Variants in ARGLU1 observed in about 807,000 individuals in gnomAD.
The protein encoded by ARGLU1 is arginine and glutamate-rich protein 1.
Under a neutral mutation model 37.6 loss-of-function variants are expected in ARGLU1, and 9 were observed. The ratio of observed to expected loss-of-function variants is 0.24; its 90% confidence interval spans 0.14 to 0.42. ARGLU1 has a LOEUF of 0.42. Ranked by LOEUF, ARGLU1 falls within the 10% of genes least tolerant of loss-of-function variation. ARGLU1 has a pLI of 1.00. For missense variants in ARGLU1, 211 were observed against 359.2 expected (o/e 0.59, Z 3.34); for synonymous variants, 166 against 138.5 (o/e 1.20, Z -1.39).
chr13:106,557,734 G>C lies in ARGLU1; in HGVS notation c.574-603C>G. 7.4e-7 allele frequency: 1 copy of C among 1,347,178 alleles called. No homozygotes were observed. The highest frequency in any genetic ancestry group is 9.6e-7 in the Non-Finnish European group (1 of 1,039,294). 83.5% of individuals were successfully genotyped at this position (1,347,178 alleles called of 1,614,324 possible). The stretch of plus-strand genomic sequence containing the variant: ...GGAATGCAGATGTTTATGGTAAGAA[G>C]GAACAAAAAATGTAATTCATCATTC... On this transcript the variant is annotated intron_variant, in intron 2 of 3. Coordinates refer to ENST00000400198, the MANE Select transcript of ARGLU1 (RefSeq NM_018011.4). The surrounding 1 kb of genome is among the most constrained non-coding windows in gnomAD (Gnocchi z 5.0).
At chr13:106,563,585 C>A (rs1031439850) in intron 1 of ARGLU1, among the ~76,000 whole-genome samples, 1 of 152,186 alleles carries the variant, frequency 6.6e-6, no homozygotes, top group Non-Finnish European at 1.5e-5. Flanking sequence ...AGAAGGATTA[C>A]TTGAGGCCAG....
intron 2 of ARGLU1, 39 bp downstream of exon 2, chr13:106,559,393 C>T: frequency 6.2e-7 from 1 of 1,610,888 alleles, no homozygotes; most frequent in Non-Finnish European, 8.5e-7. Flanking sequence ...GAAAGTTTTG[C>T]CATGGACTGT....
At chr13:106,561,481 CTGAAATTAGTAA>C (rs1407535670) in intron 1 of ARGLU1, among the ~76,000 whole-genome samples, 4 of 151,330 alleles carry the variant, frequency 2.6e-5, no homozygotes, top group African/African-American at 9.7e-5. Context: ...GTTGGTTCTT[CTGAAATTAGTAA>C]ATGTAGAGAA....
chr13:106,566,046 T>G (rs1319858255), intron 1 of ARGLU1, among the ~76,000 whole-genome samples: 1 of 152,258 alleles, frequency 6.6e-6, no homozygotes, highest in African/African-American at 2.4e-5. Flanking sequence ...AGGTAACTTT[T>G]CATACATCCA....
intron 3 of ARGLU1, among the ~76,000 whole-genome samples, chr13:106,544,422 TAA>T (rs1173213966): frequency 6.6e-6 from 1 of 152,168 alleles, no homozygotes; most frequent in African/African-American, 2.4e-5. Flanking sequence ...TTAAGAAAAT[TAA>T]AAGAGAACCC....
At chr13:106,558,986 C>T (rs1033871941) in intron 2 of ARGLU1, 3 of 985,378 alleles carry the variant, frequency 3.0e-6, no homozygotes, top group Non-Finnish European at 3.6e-6. Context: ...TGCTATCACT[C>T]AATGTTAGGC....
rs1189061314 is a variant in ARGLU1, at chr13:106,567,516, C to G, written c.347+57G>C. 5 of 1,298,282 alleles carry G rather than the reference C, an allele frequency of 3.9e-6. No homozygotes were observed. The highest frequency in any genetic ancestry group is 5.6e-6 in the Non-Finnish European group (5 of 900,480). 80.4% of individuals were successfully genotyped at this position (1,298,282 alleles called of 1,614,324 possible). ...GCACCGTCCCGCCCCGGCCCCACGCCCTCGCCCCGCGCCCTGCTCTCCGCA... is the reference window on the plus strand; with the variant it reads ...GCACCGTCCCGCCCCGGCCCCACGCGCTCGCCCCGCGCCCTGCTCTCCGCA... On this transcript the variant is annotated intron_variant, in intron 1 of 3. Transcript: ENST00000400198. The surrounding 1 kb of genome is among the most constrained non-coding windows in gnomAD (Gnocchi z 4.3).
intron 2 of ARGLU1, chr13:106,558,692 T>C: frequency 1.0e-6 from 1 of 985,460 alleles, no homozygotes; most frequent in Non-Finnish European, 1.2e-6. Flanking sequence ...CTCCAGCTGC[T>C]GATAAAACAA....
chr13:106,567,670 T>C lies in ARGLU1; in HGVS notation c.250A>G (p.Ile84Val), dbSNP rs1012232567. 2 of 1,612,502 alleles carry C rather than the reference T, an allele frequency of 1.2e-6. No homozygotes were observed. Among genetic ancestry groups the C allele is most frequent in the Admixed American group, 1.7e-5 (1 of 59,912 alleles). ...CGCTTGCTCACCGTGCGCCCGAAGA[T>C]GTCGATGCGGTCGGGCGGGGACGAG... ...RASSPPDRID[I>V]FGRTVSKRSS... Residue 84 changes from isoleucine to valine, a missense_variant, in exon 1 of 4, where the codon ATC (isoleucine) becomes GTC (valine). Ile to Val is a conservative substitution (Grantham distance 29). Transcript: ENST00000400198. This position sits in a 1 kb window ranked among gnomAD's most constrained non-coding sequence, Gnocchi z 4.3.
chr13:106,567,943 C>T lies in ARGLU1; in HGVS notation c.-24G>A. ...ATCCTTCCGGGAGACGCTCTAACCG[C>T]TCGCCTCAGGCCCCTCACGCGGCCA... On this transcript the variant is annotated 5_prime_UTR_variant, in exon 1 of 4. Transcript: ENST00000400198. The surrounding 1 kb of genome is among the most constrained non-coding windows in gnomAD (Gnocchi z 4.3). The T allele has an allele frequency of 6.3e-7, 1 of 1,595,482 alleles. No individual in the cohort carries two copies. Among genetic ancestry groups the T allele is most frequent in the Non-Finnish European group, 8.5e-7 (1 of 1,176,822 alleles).
intron 1 of ARGLU1, among the ~76,000 whole-genome samples, chr13:106,566,060 G>A (rs79446546): frequency 0.019 from 2,885 of 152,256 alleles, 71 homozygotes; most frequent in African/African-American, 0.054. Context: ...ACATCCATCT[G>A]TTGATAGCTA....
chr13:106,558,112 G>C, intron 2 of ARGLU1: 1 of 984,994 alleles, frequency 1.0e-6, no homozygotes, highest in Non-Finnish European at 1.2e-6. Flanking sequence ...TCAGAGGGTT[G>C]TGTCCGTGTA....
chr13:106,558,675 A>C, intron 2 of ARGLU1: 2 of 985,480 alleles, frequency 2.0e-6, no homozygotes, highest in Non-Finnish European at 2.4e-6. Context: ...GACATTTTCA[A>C]CTTCTGCTCC....
In ARGLU1 at chr13:106,550,645, T is replaced by G. The variant is rs1303498110; in HGVS notation, c.657+6403A>C. Among the ~76,000 whole-genome samples, 9 of 152,192 alleles carry G rather than the reference T, an allele frequency of 5.9e-5. No homozygotes were observed. In the East Asian group the frequency reaches 1.5e-3, roughly 26 times the overall value. On this transcript the variant is annotated intron_variant, in intron 3 of 3. Transcript: ENST00000400198. ...GTAACAAACTGCAACTGGATGAAAT[T>G]TATTATGGAGTCAAGAAGTCCAAAA...
chr13:106,567,459 G>A lies in ARGLU1; in HGVS notation c.347+114C>T, dbSNP rs1881000942. 1.4e-5 allele frequency: 10 copies of A among 738,000 alleles called. No individual in the cohort carries two copies. Among genetic ancestry groups the A allele is most frequent in the South Asian group, 3.9e-5 (2 of 50,896 alleles). 45.7% of individuals were successfully genotyped at this position (738,000 alleles called of 1,614,324 possible). ...GACCCGTTCCCGCGCCCGGTCCCCA[G>A]CCCCGGACCGTCCCCGCCATTCTCC... On this transcript the variant is annotated intron_variant, in intron 1 of 3. Transcript: ENST00000400198. This position sits in a 1 kb window ranked among gnomAD's most constrained non-coding sequence, Gnocchi z 4.3.
At chr13:106,555,638 A>C (rs940258660) in intron 3 of ARGLU1, among the ~76,000 whole-genome samples, 1 of 152,200 alleles carries the variant, frequency 6.6e-6, no homozygotes, top group Non-Finnish European at 1.5e-5. Flanking sequence ...ACCATTTGAG[A>C]AGTATTAGGT....
At position 106,543,896 on chromosome 13, in the gene ARGLU1, A is replaced by C. The variant is rs553428007; in HGVS notation, c.*100T>G. The C allele has an allele frequency of 8.1e-7, 1 of 1,233,706 alleles. No individual in the cohort carries two copies. Among genetic ancestry groups the C allele is most frequent in the African/African-American group, 1.6e-5 (1 of 63,170 alleles). The allele number at this position is 1,233,706 out of a possible 1,614,324, so 76.4% of individuals were successfully genotyped here. On this transcript the variant is annotated 3_prime_UTR_variant, in exon 4 of 4. Coordinates refer to ENST00000400198, the MANE Select transcript of ARGLU1 (RefSeq NM_018011.4). ...AACAAGCTAACTTTCCAGATTTTAC[A>C]AATTAAAAAAACAAAAACAAAAACA...
chr13:106,556,174 T>C (rs557479984), intron 3 of ARGLU1, among the ~76,000 whole-genome samples: 20 of 152,378 alleles, frequency 1.3e-4, no homozygotes, highest in African/African-American at 4.3e-4. Flanking sequence ...TATTGCTTTT[T>C]CTGCCTTAGC....
At chr13:106,546,786 A>G (rs147754675) in intron 3 of ARGLU1, among the ~76,000 whole-genome samples, 198 of 152,332 alleles carry the variant, frequency 1.3e-3, no homozygotes, top group African/African-American at 4.6e-3. Context: ...AAAGAACATC[A>G]CAACCTTAAT....
Sources: allele counts gnomAD v4.1 joint callset (sites outside exome capture counted in the v4.1 genomes callset), GRCh38; gene constraint gnomAD v4.1.1; non-coding constraint Gnocchi (gnomAD v3.1); transcripts MANE v1.5; gene names NCBI Gene and HGNC (gene_info 2026-07-23, HGNC 2026-07-21).